RNF14: variants seen among roughly 807,000 people sequenced by gnomAD.
The protein encoded by RNF14 is E3 ubiquitin-protein ligase RNF14.
A neutral mutation model predicts 52.6 loss-of-function variants in RNF14; 26 were observed. The ratio of observed to expected loss-of-function variants is 0.49; its 90% CI spans 0.36 to 0.69. The LOEUF is 0.69. Ranked by LOEUF, RNF14 falls within the 30% of genes least tolerant of loss-of-function variation. The pLI is 0.00. For missense variants in RNF14, 404 were observed against 560.4 expected (o/e 0.72, Z 2.82); for synonymous variants, 194 against 202.0 (o/e 0.96, Z 0.34).
the RNF14 span, chr5:141,952,538 G>C: frequency 6.6e-6 from 1 of 152,264 alleles, no homozygotes; most frequent in Non-Finnish European, 1.5e-5. Context: ...TAGAGTTTCA[G>C]AAAGACTGGA....
chr5:141,955,914 G>A (rs1385676902), upstream of RNF14: 2 of 1,614,236 alleles, frequency 1.2e-6, no homozygotes, highest in Non-Finnish European at 1.7e-6. The surrounding 1 kb of genome is among the most constrained non-coding windows in gnomAD (Gnocchi z 5.5). Context: ...TGAGGATGAA[G>A]AGGTGGGCTT....
chr5:141,957,554 G>A, upstream of RNF14: 1 of 1,614,216 alleles, frequency 6.2e-7, no homozygotes, highest in Non-Finnish European at 8.5e-7. This position sits in a 1 kb window ranked among gnomAD's most constrained non-coding sequence, Gnocchi z 4.3. Flanking sequence ...GGATCCCACT[G>A]TCGGCACAGC....
chr5:141,956,438 T>C (rs1753185669), upstream of RNF14: 1 of 1,614,216 alleles, frequency 6.2e-7, no homozygotes, highest in Non-Finnish European at 8.5e-7. Flanking sequence ...GGTAAGTTGT[T>C]TTCCCGCGTG....
upstream of RNF14, chr5:141,954,844 A>C (rs529104194): frequency 8.7e-6 from 11 of 1,261,928 alleles, no homozygotes; most frequent in South Asian, 1.5e-4. Context: ...ATTGCTACCC[A>C]AAGCATCAGA....
chr5:141,975,085 C>T, intron 4 of RNF14, 130 bp downstream of exon 4: 3 of 964,168 alleles, frequency 3.1e-6, no homozygotes, highest in Non-Finnish European at 3.1e-6. Context: ...TAATTTTTTT[C>T]CCTTGCCTTG....
chr5:141,980,927 C>CA (rs1228312805), intron 6 of RNF14, among the ~76,000 whole-genome samples: 3 of 152,200 alleles, frequency 2.0e-5, no homozygotes, highest in African/African-American at 7.2e-5. Context: ...AGAGAGGCCT[C>CA]AGAATCTTCC....
At chr5:141,963,150 GT>G (rs1373760319), upstream of RNF14, 1 of 152,182 alleles carries the variant, frequency 6.6e-6, no homozygotes, top group Non-Finnish European at 1.5e-5. Flanking sequence ...TCCTTCTTTG[GT>G]TTTCCTTCCT....
chr5:141,961,372 G>T (rs1753274225), intron 1 of RNF14, among the ~76,000 whole-genome samples: 1 of 152,116 alleles, frequency 6.6e-6, no homozygotes, highest in Admixed American at 6.5e-5. Context: ...TTCAAAGCTG[G>T]CAAACAAGGC....
At chr5:141,956,055 G>C (rs1173448557), upstream of RNF14, 1 of 1,614,122 alleles carries the variant, frequency 6.2e-7, no homozygotes, top group East Asian at 2.2e-5. Context: ...TGCCCGCTGG[G>C]CCCAAGCCAT....
upstream of RNF14, chr5:141,957,366 TG>T: frequency 6.2e-7 from 1 of 1,613,858 alleles, no homozygotes; most frequent in Non-Finnish European, 8.5e-7. The surrounding 1 kb of genome is among the most constrained non-coding windows in gnomAD (Gnocchi z 4.3). Flanking sequence ...GGCCTGTGTC[TG>T]GGTCAAGAGC....
At chr5:141,981,705 T>A (rs1386504170) in intron 6 of RNF14, 1 of 151,728 alleles carries the variant, frequency 6.6e-6, no homozygotes, top group Non-Finnish European at 1.5e-5. Context: ...ATACAAAAAT[T>A]AACGAGGTGT....
upstream of RNF14, chr5:141,955,845 A>C (rs1232165198): frequency 6.2e-7 from 1 of 1,613,444 alleles, no homozygotes. The surrounding 1 kb of genome is among the most constrained non-coding windows in gnomAD (Gnocchi z 5.5). Context: ...GCTCCCACTC[A>C]CTCCCAATGA....
chr5:141,967,553 A>G (rs1753389679), upstream of RNF14, among the ~76,000 whole-genome samples: 1 of 152,170 alleles, frequency 6.6e-6, no homozygotes, highest in Non-Finnish European at 1.5e-5. Flanking sequence ...GGCCCTTCTA[A>G]GTGCAGGGCC....
intron 6 of RNF14, among the ~76,000 whole-genome samples, chr5:141,981,249 CTT>C (rs920069253): frequency 2.0e-5 from 3 of 152,114 alleles, no homozygotes; most frequent in African/African-American, 7.2e-5. Context: ...GGGTTAGAAA[CTT>C]TTATAGTGAT....
At chr5:141,963,900 C>T (rs73792081), upstream of RNF14, among the ~76,000 whole-genome samples, 1,055 of 152,268 alleles carry the variant, frequency 6.9e-3, 7 homozygotes, top group African/African-American at 0.023. Context: ...GAGCCTGGAG[C>T]TCTGAGAGAA....
chr5:141,977,049 C>T (rs540977437), intron 4 of RNF14, among the ~76,000 whole-genome samples: 36 of 152,322 alleles, frequency 2.4e-4, no homozygotes, highest in South Asian at 1.2e-3. Context: ...CCTTGGCCTC[C>T]CAGAGTTCTG....
chr5:141,957,805 C>A (rs1473432861), upstream of RNF14: 4 of 1,603,060 alleles, frequency 2.5e-6, no homozygotes, highest in African/African-American at 5.3e-5. The surrounding 1 kb of genome is among the most constrained non-coding windows in gnomAD (Gnocchi z 4.3). Context: ...AAATAAGTAG[C>A]CACCTGGCCC....
At chr5:141,960,698 G>A (rs1009912686) in intron 1 of RNF14, among the ~76,000 whole-genome samples, 1 of 152,136 alleles carries the variant, frequency 6.6e-6, no homozygotes, top group Non-Finnish European at 1.5e-5. Context: ...CTCTCATGAC[G>A]CACTCACAGC....
rs569311066 is a variant in RNF14, at chr5:141,974,058, C to T, written c.154+316C>T. On this transcript the variant is annotated intron_variant, in intron 3 of 8. Coordinates refer to ENST00000394520, the MANE Select transcript of RNF14 (RefSeq NM_004290.5). ...AAGAGAAAATGAATGTATGTGAAAA[C>T]GCTTAGAAATTTTCAAGTACAGTGG... 6.6e-5 allele frequency among the ~76,000 whole-genome samples: 10 copies of T among 152,226 alleles called. No homozygotes were observed. In the South Asian group the frequency reaches 2.1e-3, roughly 32 times the overall value.
Sources: gnomAD v4.1 joint callset for allele counts (sites outside exome capture counted in the v4.1 genomes callset) on GRCh38, gnomAD v4.1.1 for gene constraint, Gnocchi (gnomAD v3.1) non-coding constraint, MANE v1.5 for transcripts, NCBI Gene and HGNC (gene_info 2026-07-23, HGNC 2026-07-21) for gene names.